HHIP: variants seen among roughly 807,000 people sequenced by gnomAD.
HHIP encodes the protein hedgehog-interacting protein.
Under a neutral mutation model 74.0 loss-of-function variants are expected in HHIP, and 12 were observed. That is an observed-to-expected ratio of 0.16 (90% CI 0.10 to 0.26). The LOEUF (loss-of-function observed/expected upper bound fraction) is 0.26, where lower values mean the gene tolerates loss of function less well. Among genes scored for constraint, HHIP ranks in the 10% least tolerant of loss-of-function variants. The probability of loss-of-function intolerance (pLI) is 1.00; values close to 1 mark genes in which losing one functional copy is unlikely to be tolerated. For missense variants in HHIP, 788 were observed against 845.0 expected, an observed-to-expected ratio of 0.93 and a Z score of 0.84; for synonymous variants, 309 against 311.6, an observed-to-expected ratio of 0.99 and a Z score of 0.09.
At position 144,697,926 on chromosome 4, in the gene HHIP, ATTTAT is replaced by A. The variant is rs927488592; in HGVS notation, c.832-8601_832-8597del. On this transcript the variant is annotated intron_variant, in intron 4 of 12. Transcript: ENST00000296575. ...CTGTAACTTAAACCTAGTATTACTG[ATTTAT>A]TTTGTTTTTTGAAGAGAGTAGAAAA... 2.1e-4 allele frequency among the ~76,000 whole-genome samples: 32 copies of A among 152,184 alleles called. 1 individual carries two copies. Among genetic ancestry groups the A allele is most frequent in the Non-Finnish European group, 1.5e-4 (10 of 67,974 alleles).
At chr4:144,666,985 G>C (rs950977925) in intron 4 of HHIP, among the ~76,000 whole-genome samples, 1 of 152,160 alleles carries the variant, frequency 6.6e-6, no homozygotes, top group African/African-American at 2.4e-5. Flanking sequence ...TAAAAAGGAG[G>C]GGAAGAAGGA....
intron 11 of HHIP, among the ~76,000 whole-genome samples, chr4:144,734,236 TA>T (rs1056130545): frequency 3.1e-4 from 46 of 148,170 alleles, no homozygotes; most frequent in South Asian, 1.1e-3. Flanking sequence ...AAAATAAAAT[TA>T]AAAAAAAAAA....
chr4:144,683,722 GT>G lies in HHIP; in HGVS notation c.832-22806del, dbSNP rs563136888. Among the ~76,000 whole-genome samples the G allele has an allele frequency of 6.6e-5, 10 of 152,124 alleles. No homozygotes were observed. In the South Asian group the frequency reaches 1.7e-3, roughly 25 times the overall value. ...TTATGGGAACACAACCACATCATTTGTTTATGTATTCTCTGTGGCTACTTTT... is the reference window on the plus strand; with the variant it reads ...TTATGGGAACACAACCACATCATTTGTTATGTATTCTCTGTGGCTACTTTT... On this transcript the variant is annotated intron_variant, in intron 4 of 12. Coordinates refer to ENST00000296575, the MANE Select transcript of HHIP (RefSeq NM_022475.3).
At chr4:144,683,733 C>A (rs1359773013) in intron 4 of HHIP, among the ~76,000 whole-genome samples, 1 of 152,130 alleles carries the variant, frequency 6.6e-6, no homozygotes, top group Non-Finnish European at 1.5e-5. Context: ...TTTATGTATT[C>A]TCTGTGGCTA....
chr4:144,736,248 G>T (rs577970910), intron 12 of HHIP, among the ~76,000 whole-genome samples: 1 of 148,268 alleles, frequency 6.7e-6, no homozygotes, highest in Non-Finnish European at 1.5e-5. Context: ...TGATTCTCCC[G>T]CCTCAGCTTC....
At chr4:144,691,325 T>C (rs1729657389) in intron 4 of HHIP, among the ~76,000 whole-genome samples, 1 of 152,216 alleles carries the variant, frequency 6.6e-6, no homozygotes, top group Admixed American at 6.5e-5. Context: ...CTAATTTTGA[T>C]AGGCAATTTC....
In HHIP at chr4:144,738,373, TA is replaced by T. The variant is rs970973565; in HGVS notation, c.*424del. 8.4e-5 allele frequency: 82 copies of T among 975,744 alleles called. No individual in the cohort carries two copies. The highest frequency in any genetic ancestry group is 2.3e-4 in the African/African-American group (13 of 56,890). 60.4% of individuals were successfully genotyped at this position (975,744 alleles called of 1,614,324 possible). ...TACTGTGCAATCCGATGGATCTAAT[TA>T]AAAAAAAGGCAATATTTTTATATTA... On this transcript the variant is annotated 3_prime_UTR_variant, in exon 13 of 13. Transcript: ENST00000296575.
intron 8 of HHIP, among the ~76,000 whole-genome samples, chr4:144,712,892 G>GTGTC (rs1444821089): frequency 6.7e-6 from 1 of 149,162 alleles, no homozygotes; most frequent in East Asian, 2.0e-4. Context: ...TCAGGTGTGT[G>GTGTC]TGTGTGTGTG....
rs1728266127 is a variant in HHIP, at chr4:144,646,624, T to C, written c.-52T>C. On this transcript the variant is annotated 5_prime_UTR_variant, in exon 1 of 13. Coordinates refer to ENST00000296575, the MANE Select transcript of HHIP (RefSeq NM_022475.3). ...GCGCCCTAGTGCCCCTGCTGGGCAG[T>C]GGCGTTCCCCCCCATCCTCCCGCGC... 2 of 1,572,298 alleles carry C rather than the reference T, an allele frequency of 1.3e-6. No homozygotes were observed. The highest frequency in any genetic ancestry group is 2.7e-5 in the African/African-American group (2 of 74,100).
In HHIP at chr4:144,646,579, C is replaced by G. The variant is rs1728264887; in HGVS notation, c.-97C>G. ...CTGTCTCTGGAGTGCCCTACAGCCC[C>G]GCAAACTCCTCCTGGAGCTGCGCCC... is the stretch of plus-strand genomic sequence containing the variant. On this transcript the variant is annotated 5_prime_UTR_variant, in exon 1 of 13. Transcript: ENST00000296575. The G allele has an allele frequency of 1.5e-6, 2 of 1,327,266 alleles. No homozygotes were observed. Among genetic ancestry groups the G allele is most frequent in the South Asian group, 1.4e-5 (1 of 71,400 alleles). 82.2% of individuals were successfully genotyped at this position (1,327,266 alleles called of 1,614,324 possible).
chr4:144,673,352 C>T (rs1406714198), intron 4 of HHIP, among the ~76,000 whole-genome samples: 1 of 152,134 alleles, frequency 6.6e-6, no homozygotes, highest in Non-Finnish European at 1.5e-5. Context: ...AAACTCAGTA[C>T]ATTAGCAACA....
intron 11 of HHIP, among the ~76,000 whole-genome samples, chr4:144,731,391 T>G (rs1040874780): frequency 2.0e-5 from 3 of 152,184 alleles, no homozygotes; most frequent in African/African-American, 7.2e-5. Flanking sequence ...AGAAAGTTAC[T>G]ACTATATAAA....
chr4:144,732,700 A>G (rs997838174), intron 11 of HHIP, among the ~76,000 whole-genome samples: 8 of 152,204 alleles, frequency 5.3e-5, no homozygotes, highest in African/African-American at 1.7e-4. Context: ...AAATGATGCC[A>G]TCTCTTTGGA....
At chr4:144,716,888 A>AG (rs1730468235) in intron 10 of HHIP, among the ~76,000 whole-genome samples, 1 of 118,656 alleles carries the variant, frequency 8.4e-6, no homozygotes, top group African/African-American at 3.1e-5. Context: ...AAAAAAAAAA[A>AG]GTAAAAGAAT....
rs113714994 is a variant in HHIP at position 144,726,092 on chromosome 4, T to C, written c.1760+7136T>C. 2.0e-3 allele frequency among the ~76,000 whole-genome samples: 308 copies of C among 152,332 alleles called. 2 individuals are homozygous for C. The highest frequency in any genetic ancestry group is 6.9e-3 in the African/African-American group (286 of 41,588). On this transcript the variant is annotated intron_variant, in intron 11 of 12. Transcript: ENST00000296575. Reference sequence around the variant, plus strand: ...TAAGTTACTAAAGCAATACTTGTGTTTAACATTTTTATCAATTATGGTTTA... The same window carrying C: ...TAAGTTACTAAAGCAATACTTGTGTCTAACATTTTTATCAATTATGGTTTA...
In HHIP at chr4:144,737,949, A is replaced by T; in HGVS notation, c.2095A>T (p.Ile699Phe). Residue 699 changes from isoleucine to phenylalanine, a missense_variant, in exon 13 of 13, where the codon ATT (isoleucine) becomes TTT (phenylalanine). Transcript: ENST00000296575. ...TTACTTGCTGGATCTAACAAGTTAC[A>T]TTGTATAGTTTCTGGGACTGTTTGA... Reference protein sequence around the residue: ...TSYLLDLTSYIV With the variant: ...TSYLLDLTSYFV 6.2e-7 allele frequency: 1 copy of T among 1,601,730 alleles called. No homozygotes were observed. Among genetic ancestry groups the T allele is most frequent in the South Asian group, 1.1e-5 (1 of 89,448 alleles).
At chr4:144,696,619 A>G (rs908737560) in intron 4 of HHIP, among the ~76,000 whole-genome samples, 1 of 151,852 alleles carries the variant, frequency 6.6e-6, no homozygotes, top group South Asian at 2.1e-4. Context: ...AATAGTTCCC[A>G]TTGTGTGTCT....
rs1418571675 is a variant in HHIP, at chr4:144,744,422, G to C, written c.*6465G>C. 1 of 152,108 alleles carries C rather than the reference G, an allele frequency of 6.6e-6. No homozygotes were observed. The highest frequency in any genetic ancestry group is 1.5e-5 in the Non-Finnish European group (1 of 68,034). The allele number at this position is 152,108 out of a possible 1,614,324, so 9.4% of individuals were successfully genotyped here. A position where few individuals can be genotyped will look rare whatever the true frequency, so the allele number is the denominator to read the frequency against. ...TGTGAAAATTAGGGCAGTTTGTCCA[G>C]AGCCTTACTCGCAGGAGACACCAGA... On this transcript the variant is annotated 3_prime_UTR_variant, in exon 13 of 13. Coordinates refer to ENST00000296575, the MANE Select transcript of HHIP (RefSeq NM_022475.3).
chr4:144,708,362 C>T (rs372886648), intron 7 of HHIP, 51 bp downstream of exon 7: 169 of 1,593,850 alleles, frequency 1.1e-4, no homozygotes, highest in Middle Eastern at 3.3e-4. Context: ...GGCGGGGATC[C>T]GAGAACTGGG....
Sources: gnomAD v4.1 joint callset for allele counts (sites outside exome capture counted in the v4.1 genomes callset) on GRCh38, gnomAD v4.1.1 for gene constraint, MANE v1.5 for transcripts, NCBI Gene and HGNC (gene_info 2026-07-23, HGNC 2026-07-21) for gene names.